The following IFT56 variants were observed in gnomAD, a reference collection of about 807,000 sequenced individuals.
IFT56 encodes intraflagellar transport 56, also known as intraflagellar transport protein 56.
At chr7:139,160,798 TG>T in the IFT56 span, 1 of 526,256 alleles carries the variant, frequency 1.9e-6, no homozygotes, top group East Asian at 3.3e-5. Context: ...TTTGAAAATG[TG>T]GGTAATAATA....
At chr7:139,168,684 T>C in the IFT56 span, 1 of 370,936 alleles carries the variant, frequency 2.7e-6, no homozygotes, top group East Asian at 4.3e-5. Context: ...ATTGCGCAAC[T>C]TCATTCTTAT....
At chr7:139,153,552 T>C in the IFT56 span, among the ~76,000 whole-genome samples, 3 of 152,216 alleles carry the variant, frequency 2.0e-5, no homozygotes, top group African/African-American at 4.8e-5. Flanking sequence ...TTGCCTGCTC[T>C]GGATATTTCA....
the IFT56 span, among the ~76,000 whole-genome samples, chr7:139,150,097 C>T: frequency 6.6e-6 from 1 of 152,080 alleles, no homozygotes; most frequent in Non-Finnish European, 1.5e-5. Flanking sequence ...CCTACCCTTG[C>T]CCTCCAAATT....
the IFT56 span, chr7:139,172,920 C>T: frequency 1.4e-6 from 1 of 717,248 alleles, no homozygotes; most frequent in East Asian, 2.8e-5. Flanking sequence ...TTTCCAGGTG[C>T]AGGAACAGCT....
chr7:139,147,240 T>A, the IFT56 span: 1 of 1,613,628 alleles, frequency 6.2e-7, no homozygotes, highest in African/African-American at 1.3e-5. Flanking sequence ...ATATGCGATC[T>A]CACTACCAAG....
the IFT56 span, among the ~76,000 whole-genome samples, chr7:139,134,097 G>A: frequency 6.6e-6 from 1 of 152,170 alleles, no homozygotes; most frequent in Non-Finnish European, 1.5e-5. Context: ...CAGAGGAAGG[G>A]AAAGCTGAGA....
At chr7:139,187,897 T>TTTTTG in the IFT56 span, among the ~76,000 whole-genome samples, 1 of 151,918 alleles carries the variant, frequency 6.6e-6, no homozygotes, top group Non-Finnish European at 1.5e-5. Flanking sequence ...TCTTTTGGGT[T>TTTTTG]TTTTGTTTGT....
the IFT56 span, among the ~76,000 whole-genome samples, chr7:139,175,898 C>T: frequency 3.9e-5 from 6 of 152,118 alleles, no homozygotes; most frequent in African/African-American, 9.6e-5. Flanking sequence ...GGCATGATTT[C>T]GGCTCACTGC....
At chr7:139,153,495 A>G in the IFT56 span, among the ~76,000 whole-genome samples, 7 of 151,214 alleles carry the variant, frequency 4.6e-5, no homozygotes, top group African/African-American at 1.5e-4. Context: ...CTATTGCCCC[A>G]TTCCCCCAGC....
chr7:139,153,854 C>T, the IFT56 span, among the ~76,000 whole-genome samples: 15 of 152,016 alleles, frequency 9.9e-5, no homozygotes, highest in Non-Finnish European at 2.1e-4. Context: ...AGGTTTATAC[C>T]TAGGAGTGGA....
At chr7:139,138,196 C>T in the IFT56 span, among the ~76,000 whole-genome samples, 8 of 152,116 alleles carry the variant, frequency 5.3e-5, no homozygotes, top group East Asian at 1.9e-4. Flanking sequence ...TTTTGCTTCC[C>T]GAGGTCAATC....
At chr7:139,145,273 T>A in the IFT56 span, among the ~76,000 whole-genome samples, 2 of 151,976 alleles carry the variant, frequency 1.3e-5, no homozygotes, top group South Asian at 4.1e-4. Context: ...TTTCAGCAAC[T>A]CAGCCACCAA....
chr7:139,160,011 T>C, the IFT56 span, among the ~76,000 whole-genome samples: 1 of 152,168 alleles, frequency 6.6e-6, no homozygotes, highest in African/African-American at 2.4e-5. Context: ...AGATCATTTA[T>C]AGAGTATAAA....
the IFT56 span, among the ~76,000 whole-genome samples, chr7:139,160,665 T>C: frequency 6.6e-6 from 1 of 152,154 alleles, no homozygotes; most frequent in Admixed American, 6.5e-5. Flanking sequence ...CTCGATCTGT[T>C]GACTTTGTGA....
chr7:139,136,675 C>T, the IFT56 span, among the ~76,000 whole-genome samples: 113 of 151,968 alleles, frequency 7.4e-4, no homozygotes, highest in African/African-American at 2.7e-3. Flanking sequence ...CACCATGTTG[C>T]CCAGGCTGGT....
At chr7:139,186,522 A>G in the IFT56 span, among the ~76,000 whole-genome samples, 1 of 152,196 alleles carries the variant, frequency 6.6e-6, no homozygotes, top group Non-Finnish European at 1.5e-5. Flanking sequence ...GGCCAAGGAA[A>G]TGTGTAGTAC....
chr7:139,168,050 T>C, the IFT56 span, among the ~76,000 whole-genome samples: 9 of 152,312 alleles, frequency 5.9e-5, no homozygotes, highest in African/African-American at 2.2e-4. Flanking sequence ...TTACTTTTTT[T>C]TCCATAGAAT....
chr7:139,180,796 A>G, the IFT56 span, among the ~76,000 whole-genome samples: 1 of 152,218 alleles, frequency 6.6e-6, no homozygotes, highest in Non-Finnish European at 1.5e-5. Flanking sequence ...TGAAACGACG[A>G]GTAGGATTGA....
chr7:139,137,510 A>G, the IFT56 span, among the ~76,000 whole-genome samples: 1 of 152,228 alleles, frequency 6.6e-6, no homozygotes, highest in South Asian at 2.1e-4. Flanking sequence ...CCTTGAGTTC[A>G]TGGTTCAGCC....
Sources: allele counts gnomAD v4.1 joint callset (sites outside exome capture counted in the v4.1 genomes callset), GRCh38; gene constraint gnomAD v4.1.1; transcripts MANE v1.5; gene names NCBI Gene and HGNC (gene_info 2026-07-23, HGNC 2026-07-21).